SEMA3A: variants seen among roughly 807,000 people sequenced by gnomAD.
SEMA3A encodes semaphorin-3A.
SEMA3A carries 29 observed loss-of-function variants against 97.9 expected under a neutral mutation model. That is an observed-to-expected ratio of 0.30 (90% CI 0.22 to 0.40). The LOEUF is 0.40. SEMA3A is among the 10% of genes least tolerant of loss of function. The pLI is 1.00. For synonymous variants in SEMA3A, 321 were observed against 323.7 expected (o/e 0.99, Z 0.09); for missense variants, 763 against 951.3 (o/e 0.80, Z 2.60).
intron 1 of SEMA3A, among the ~76,000 whole-genome samples, chr7:84,448,299 T>C (rs1805476671): frequency 6.6e-6 from 1 of 152,136 alleles, no homozygotes; most frequent in Non-Finnish European, 1.5e-5. Context: ...TTAGAAGTTG[T>C]AGTAAGAGCA....
chr7:84,009,485 T>A (rs1790792044), intron 9 of SEMA3A, among the ~76,000 whole-genome samples: 1 of 152,228 alleles, frequency 6.6e-6, no homozygotes, highest in African/African-American at 2.4e-5. Flanking sequence ...AAAACAGTGT[T>A]GGACATTGCA....
chr7:84,180,996 T>TA (rs1191183389), intron 1 of SEMA3A, among the ~76,000 whole-genome samples: 3 of 152,098 alleles, frequency 2.0e-5, no homozygotes, highest in African/African-American at 4.8e-5. Context: ...TAGTTTTTAT[T>TA]AAAAAATTGG....
chr7:84,065,536 GAAAAA>G (rs1014443567), intron 4 of SEMA3A, among the ~76,000 whole-genome samples: 16 of 148,052 alleles, frequency 1.1e-4, no homozygotes, highest in African/African-American at 4.1e-4. Flanking sequence ...GACTAATAAA[GAAAAA>G]AAGAGAGAAG....
At chr7:84,121,222 T>G (rs906373934) in intron 3 of SEMA3A, among the ~76,000 whole-genome samples, 5 of 152,172 alleles carry the variant, frequency 3.3e-5, no homozygotes, top group African/African-American at 7.2e-5. Flanking sequence ...AAACAATTTT[T>G]TATGATACTT....
chr7:84,249,360 C>G (rs920178805), intron 3 of SEMA3A, among the ~76,000 whole-genome samples: 1 of 136,788 alleles, frequency 7.3e-6, no homozygotes, highest in Non-Finnish European at 1.6e-5. Flanking sequence ...CTCTCTCTCT[C>G]TGTCTATCAT....
intron 2 of SEMA3A, among the ~76,000 whole-genome samples, chr7:84,329,999 A>G (rs1244694626): frequency 6.6e-6 from 1 of 152,008 alleles, no homozygotes; most frequent in African/African-American, 2.4e-5. Context: ...ATTTTGGGCC[A>G]ATCATAATAA....
intron 6 of SEMA3A, among the ~76,000 whole-genome samples, chr7:84,014,842 G>A (rs768518676): frequency 2.0e-5 from 3 of 151,980 alleles, no homozygotes; most frequent in Non-Finnish European, 4.4e-5. Context: ...TCCTGTAAAT[G>A]GCAGTGTCAT....
intron 4 of SEMA3A, among the ~76,000 whole-genome samples, chr7:84,081,502 A>G (rs1037740477): frequency 6.0e-5 from 9 of 150,400 alleles, no homozygotes; most frequent in Non-Finnish European, 1.3e-4. Flanking sequence ...CTGAGGCAGG[A>G]GAATGGCGTG....
intron 1 of SEMA3A, among the ~76,000 whole-genome samples, chr7:84,141,311 C>T (rs1796284624): frequency 6.6e-6 from 1 of 152,126 alleles, no homozygotes; most frequent in African/African-American, 2.4e-5. Context: ...GTGCCAGAGG[C>T]CACAGCAGTC....
At chr7:84,039,265 C>G (rs1027855636) in intron 6 of SEMA3A, among the ~76,000 whole-genome samples, 1 of 152,060 alleles carries the variant, frequency 6.6e-6, no homozygotes, top group Non-Finnish European at 1.5e-5. Flanking sequence ...AAATGTGTGG[C>G]AAATATAAAT....
chr7:84,385,578 A>G (rs1024335524), intron 1 of SEMA3A, among the ~76,000 whole-genome samples: 1 of 151,828 alleles, frequency 6.6e-6, no homozygotes, highest in Non-Finnish European at 1.5e-5. Context: ...TATCTTCTCC[A>G]TCTCTATTCT....
At chr7:84,258,982 T>C (rs1399980249) in intron 3 of SEMA3A, among the ~76,000 whole-genome samples, 1 of 152,124 alleles carries the variant, frequency 6.6e-6, no homozygotes, top group Non-Finnish European at 1.5e-5. Flanking sequence ...AACTGGTTTC[T>C]ATGACCAAGA....
In SEMA3A at chr7:84,099,341, A is replaced by T; in HGVS notation, c.453+11129T>A. 7.3e-5 allele frequency among the ~76,000 whole-genome samples: 4 copies of T among 55,018 alleles called. 2 individuals carry two copies. The highest frequency in any genetic ancestry group is 2.5e-4 in the Non-Finnish European group (4 of 15,832). The allele number at this position is 55,018 out of a possible 152,430, so 36.1% of individuals were successfully genotyped here. On this transcript the variant is annotated intron_variant, in intron 4 of 16. Transcript: ENST00000265362. ...CGCCTCGGCCTCCCAAAGTGCTGGG[A>T]TTACAGGCGTGAGCCACCGCGCCCG...
chr7:84,198,275 A>G (rs1017921743), upstream of SEMA3A, among the ~76,000 whole-genome samples: 1 of 151,690 alleles, frequency 6.6e-6, no homozygotes, highest in Non-Finnish European at 1.5e-5. Context: ...GACTCACCGC[A>G]ACCTCCACCT....
chr7:84,109,328 T>TATA (rs923387523), intron 4 of SEMA3A, among the ~76,000 whole-genome samples: 1 of 152,118 alleles, frequency 6.6e-6, no homozygotes, highest in African/African-American at 2.4e-5. Flanking sequence ...CATATGGACT[T>TATA]ATAAAAAAGA....
intron 2 of SEMA3A, among the ~76,000 whole-genome samples, chr7:84,353,305 C>G (rs1226024124): frequency 6.6e-6 from 1 of 151,270 alleles, no homozygotes; most frequent in African/African-American, 2.4e-5. Flanking sequence ...CTACTGTACT[C>G]TCTTTATATA....
At chr7:84,347,150 C>G (rs1802318441) in intron 2 of SEMA3A, among the ~76,000 whole-genome samples, 1 of 152,120 alleles carries the variant, frequency 6.6e-6, no homozygotes. Flanking sequence ...AAAGTAAACA[C>G]AGATTGCCTC....
At chr7:84,191,077 T>C (rs966784724) in intron 1 of SEMA3A, among the ~76,000 whole-genome samples, 1 of 151,330 alleles carries the variant, frequency 6.6e-6, no homozygotes, top group Non-Finnish European at 1.5e-5. Flanking sequence ...TTTGAACTAA[T>C]TGTAATTTAT....
chr7:84,429,065 A>T (rs1181829921), intron 1 of SEMA3A, among the ~76,000 whole-genome samples: 1 of 152,098 alleles, frequency 6.6e-6, no homozygotes, highest in South Asian at 2.1e-4. Flanking sequence ...CCAACACAAA[A>T]GGAAGTCATG....
Sources: allele counts gnomAD v4.1 joint callset (sites outside exome capture counted in the v4.1 genomes callset), GRCh38; gene constraint gnomAD v4.1.1; transcripts MANE v1.5; gene names NCBI Gene and HGNC (gene_info 2026-07-23, HGNC 2026-07-21).